SRP9: variants seen among roughly 807,000 people sequenced by gnomAD.
SRP9 encodes signal recognition particle 9.
Under a neutral mutation model 11.7 loss-of-function variants are expected in SRP9, and 2 were observed. The observed-to-expected ratio is 0.17, with a 90% CI of 0.07 to 0.54. The LOEUF is 0.54. Ranked by LOEUF, SRP9 falls within the 20% of genes least tolerant of loss-of-function variation. The pLI, the probability that SRP9 is intolerant of heterozygous loss-of-function variation, is 0.94. For missense variants in SRP9, 54 were observed against 108.1 expected, an observed-to-expected ratio of 0.50 and a Z score of 2.22; for synonymous variants, 27 against 35.6, an observed-to-expected ratio of 0.76 and a Z score of 0.86.
At position 225,778,554 on chromosome 1, in the gene SRP9, GGTATAAGTAAAT is replaced by G. The variant is rs555812804; in HGVS notation, c.72+557_72+568del. ...TATTTGCACCTTTCCTCAGAAAAAT[GGTATAAGTAAAT>G]GTATAAGTAAATGTTTGCAAACAAT... On this transcript the variant is annotated intron_variant, in intron 1 of 2. Transcript: ENST00000304786. Among the ~76,000 whole-genome samples, 90 of 152,308 alleles carry G rather than the reference GGTATAAGTAAAT, an allele frequency of 5.9e-4. 2 individuals carry two copies. In the South Asian group the frequency reaches 0.018, roughly 30 times the overall value.
At chr1:225,787,345 C>T (rs1386440908) in intron 2 of SRP9, among the ~76,000 whole-genome samples, 1 of 151,954 alleles carries the variant, frequency 6.6e-6, no homozygotes, top group Admixed American at 6.6e-5. Context: ...CCAGCCTGAC[C>T]AACACAGTGA....
chr1:225,778,311 C>T (rs1046702629), intron 1 of SRP9, among the ~76,000 whole-genome samples: 2 of 152,228 alleles, frequency 1.3e-5, no homozygotes, highest in Admixed American at 6.5e-5. Flanking sequence ...GTCCCTGAAG[C>T]CAGGGCTCCT....
In SRP9 at chr1:225,782,281, A is replaced by G. The variant is rs1188310100; in HGVS notation, c.73-1019A>G. On this transcript the variant is annotated intron_variant, in intron 1 of 2. Coordinates refer to ENST00000304786, the MANE Select transcript of SRP9 (RefSeq NM_003133.6). Reference sequence around the variant, plus strand: ...CTGGTTCACACCATTCTCTTGCCTCAGCCTCCCGATTAGCTGGGACTGCAG... The same window carrying G: ...CTGGTTCACACCATTCTCTTGCCTCGGCCTCCCGATTAGCTGGGACTGCAG... Among the ~76,000 whole-genome samples, 5 of 152,130 alleles carry G rather than the reference A, an allele frequency of 3.3e-5. No individual in the cohort carries two copies. The East Asian group carries it at 7.7e-4, about 23-fold the overall frequency.
intron 1 of SRP9, among the ~76,000 whole-genome samples, chr1:225,780,935 C>A (rs1248691666): frequency 6.6e-6 from 1 of 152,166 alleles, no homozygotes; most frequent in Non-Finnish European, 1.5e-5. Context: ...AAGTTGAATT[C>A]TTCATCTCCT....
At position 225,779,024 on chromosome 1, in the gene SRP9, G is replaced by A. The variant is rs571434521; in HGVS notation, c.72+1012G>A. ...ATTCCGTTCAACCCTTAAGGAGCTG[G>A]TATTATTGGAGGGTATTATAGATCC... On this transcript the variant is annotated intron_variant, in intron 1 of 2. Coordinates refer to ENST00000304786, the MANE Select transcript of SRP9 (RefSeq NM_003133.6). 2.2e-4 allele frequency among the ~76,000 whole-genome samples: 33 copies of A among 152,196 alleles called. 1 individual carries two copies. In the South Asian group the frequency reaches 6.6e-3, roughly 31 times the overall value.
intron 1 of SRP9, among the ~76,000 whole-genome samples, chr1:225,779,087 A>G (rs1250795224): frequency 6.6e-6 from 1 of 151,778 alleles, no homozygotes; most frequent in Admixed American, 6.6e-5. Context: ...AAGAAAGAAA[A>G]TTAAAAGCAG....
chr1:225,779,094 G>A (rs1228822263), intron 1 of SRP9, among the ~76,000 whole-genome samples: 1 of 151,616 alleles, frequency 6.6e-6, no homozygotes, highest in Non-Finnish European at 1.5e-5. Context: ...AAAATTAAAA[G>A]CAGATAAAAT....
intron 2 of SRP9, among the ~76,000 whole-genome samples, chr1:225,785,584 G>A (rs1022814635): frequency 6.6e-6 from 1 of 151,398 alleles, no homozygotes; most frequent in African/African-American, 2.4e-5. Context: ...GTTTCACCCT[G>A]TTAGCCAGGA....
chr1:225,783,573 A>G (rs1206413772), intron 2 of SRP9, among the ~76,000 whole-genome samples: 1 of 152,196 alleles, frequency 6.6e-6, no homozygotes, highest in Non-Finnish European at 1.5e-5. Flanking sequence ...GCATTATGTC[A>G]AGTGTCTTTA....
intron 1 of SRP9, among the ~76,000 whole-genome samples, chr1:225,778,284 C>G (rs1665724473): frequency 6.6e-6 from 1 of 152,234 alleles, no homozygotes; most frequent in Admixed American, 6.5e-5. Context: ...TCCTTTATGG[C>G]TTCGGTTGTT....
In SRP9 at chr1:225,788,948, GTTC is replaced by G. The variant is rs1253223503; in HGVS notation, c.142-287_142-285del. 13 of 1,486,746 alleles carry G rather than the reference GTTC, an allele frequency of 8.7e-6. No homozygotes were observed. The East Asian group carries it at 1.2e-4, about 14-fold the overall frequency. 92.1% of individuals were successfully genotyped at this position (1,486,746 alleles called of 1,614,324 possible). ...GAAAATATCTAATTCTAAGTCTTGA[GTTC>G]TTCTCATCAGACCATAGCAGGATTT... On this transcript the variant is annotated intron_variant, in intron 2 of 2. Transcript: ENST00000304786.
intron 1 of SRP9, among the ~76,000 whole-genome samples, chr1:225,780,509 G>A (rs1665774538): frequency 6.6e-6 from 1 of 152,056 alleles, no homozygotes; most frequent in African/African-American, 2.4e-5. Context: ...TATGTTACAG[G>A]CATTTAATAT....
chr1:225,780,258 G>T (rs1665767184), intron 1 of SRP9, among the ~76,000 whole-genome samples: 1 of 149,622 alleles, frequency 6.7e-6, no homozygotes, highest in Admixed American at 6.8e-5. Context: ...CTTGCCTCAG[G>T]TGATTCTCCT....
chr1:225,782,294 G>C lies in SRP9; in HGVS notation c.73-1006G>C, dbSNP rs369286887. On this transcript the variant is annotated intron_variant, in intron 1 of 2. Transcript: ENST00000304786. Reference sequence around the variant, plus strand: ...TTCTCTTGCCTCAGCCTCCCGATTAGCTGGGACTGCAGGCACTCATCACCA... The same window carrying C: ...TTCTCTTGCCTCAGCCTCCCGATTACCTGGGACTGCAGGCACTCATCACCA... Among the ~76,000 whole-genome samples the C allele has an allele frequency of 6.6e-5, 10 of 151,944 alleles. No homozygotes were observed. In the South Asian group the frequency reaches 1.2e-3, roughly 19 times the overall value.
At chr1:225,783,795 G>A (rs1665843058) in intron 2 of SRP9, among the ~76,000 whole-genome samples, 1 of 152,114 alleles carries the variant, frequency 6.6e-6, no homozygotes, top group Non-Finnish European at 1.5e-5. Flanking sequence ...GTACTCCAGC[G>A]AAACTGCTCT....
intron 1 of SRP9, among the ~76,000 whole-genome samples, chr1:225,779,714 A>G (rs1480654959): frequency 6.6e-6 from 1 of 152,190 alleles, no homozygotes; most frequent in African/African-American, 2.4e-5. Flanking sequence ...TGGAAATTGT[A>G]TTTTTTAAAT....
chr1:225,777,854 C>G lies in SRP9; in HGVS notation c.-87C>G. 1.5e-6 allele frequency: 2 copies of G among 1,326,140 alleles called. No individual in the cohort carries two copies. The highest frequency in any genetic ancestry group is 2.1e-6 in the Non-Finnish European group (2 of 937,816). The allele number at this position is 1,326,140 out of a possible 1,614,324, so 82.1% of individuals were successfully genotyped here. ...GCCATCTTGGGGCTGCTGGGACTCG[C>G]GTCGGTTGGCGACTCCCGGACGTAG... is the stretch of plus-strand genomic sequence containing the variant. On this transcript the variant is annotated 5_prime_UTR_variant, in exon 1 of 3. Coordinates refer to ENST00000304786, the MANE Select transcript of SRP9 (RefSeq NM_003133.6).
chr1:225,783,531 C>T (rs1040872490), intron 2 of SRP9, among the ~76,000 whole-genome samples, 163 bp downstream of exon 2: 1 of 152,094 alleles, frequency 6.6e-6, no homozygotes, highest in Non-Finnish European at 1.5e-5. Context: ...TTTTATAGAC[C>T]CTCAGGAAAT....
chr1:225,782,557 GA>G (rs1174883031), intron 1 of SRP9, among the ~76,000 whole-genome samples: 1 of 151,892 alleles, frequency 6.6e-6, no homozygotes. Flanking sequence ...ATCCATCACT[GA>G]AAAAAAATAA....
Sources: gnomAD v4.1 joint callset for allele counts (sites outside exome capture counted in the v4.1 genomes callset) on GRCh38, gnomAD v4.1.1 for gene constraint, MANE v1.5 for transcripts, NCBI Gene and HGNC (gene_info 2026-07-23, HGNC 2026-07-21) for gene names.